ROBO2: variants seen among roughly 807,000 people sequenced by gnomAD.
ROBO2 encodes roundabout homolog 2.
In ROBO2, 53 loss-of-function variants were observed where a neutral mutation model predicts 160.8. The ratio of observed to expected loss-of-function variants is 0.33; its 90% CI spans 0.26 to 0.41. The LOEUF is 0.41. Among genes scored for constraint, ROBO2 ranks in the 10% least tolerant of loss-of-function variants. The pLI is 1.00. For synonymous variants in ROBO2, 664 were observed against 611.7 expected, an observed-to-expected ratio of 1.09 and a Z score of -1.26; for missense variants, 1,577 against 1,722.4, an observed-to-expected ratio of 0.92 and a Z score of 1.49.
chr3:75,994,079 G>T (rs2065656368), intron 2 of ROBO2, among the ~76,000 whole-genome samples: 1 of 152,066 alleles, frequency 6.6e-6, no homozygotes. Context: ...CAAAACCAAT[G>T]CAGGAACCTT....
At chr3:76,029,590 C>G (rs2066853796) in intron 2 of ROBO2, among the ~76,000 whole-genome samples, 1 of 152,086 alleles carries the variant, frequency 6.6e-6, no homozygotes, top group Non-Finnish European at 1.5e-5. Context: ...TTGTTCAATT[C>G]TCACCTGTGA....
intron 2 of ROBO2, among the ~76,000 whole-genome samples, chr3:76,220,260 T>G (rs1250864471): frequency 6.6e-6 from 1 of 151,492 alleles, no homozygotes; most frequent in Non-Finnish European, 1.5e-5. Context: ...CACACCAGCA[T>G]GGCACATGTA....
At chr3:77,127,200 T>A (rs1416348431) in intron 2 of ROBO2, among the ~76,000 whole-genome samples, 1 of 152,196 alleles carries the variant, frequency 6.6e-6, no homozygotes, top group African/African-American at 2.4e-5. Context: ...TTCTAAAATT[T>A]CTTATGTTCA....
At chr3:77,479,833 C>T (rs1423497207) in intron 3 of ROBO2, among the ~76,000 whole-genome samples, 1 of 152,032 alleles carries the variant, frequency 6.6e-6, no homozygotes, top group African/African-American at 2.4e-5. Context: ...ATCTTCGTTC[C>T]CCTCCTTATG....
intron 2 of ROBO2, among the ~76,000 whole-genome samples, chr3:77,125,517 A>G (rs1195986385): frequency 2.0e-5 from 3 of 152,170 alleles, no homozygotes; most frequent in Non-Finnish European, 4.4e-5. Context: ...TAGGCACACA[A>G]TATTCTTTCT....
intron 2 of ROBO2, among the ~76,000 whole-genome samples, chr3:77,390,093 A>G (rs4684008): frequency 0.83 from 126,091 of 152,096 alleles, 52,419 homozygotes; most frequent in East Asian, 1. Flanking sequence ...CATTATGGGG[A>G]AGTGGGATCA....
At chr3:77,600,895 C>T (rs928072601) in intron 19 of ROBO2, among the ~76,000 whole-genome samples, 2 of 152,166 alleles carry the variant, frequency 1.3e-5, no homozygotes, top group South Asian at 2.1e-4. Context: ...CTTATACAAC[C>T]TGGTGAAATA....
chr3:76,434,813 G>C, intron 2 of ROBO2: 1 of 1,503,264 alleles, frequency 6.7e-7, no homozygotes, highest in Non-Finnish European at 9.3e-7. Context: ...CACATGCCCT[G>C]AATCATGTAT....
chr3:76,606,275 A>G (rs2087646264), intron 2 of ROBO2, among the ~76,000 whole-genome samples: 2 of 152,098 alleles, frequency 1.3e-5, no homozygotes, highest in African/African-American at 4.8e-5. Flanking sequence ...ATTGGTTTTC[A>G]AAAACTAGAA....
chr3:76,699,315 A>T (rs1441849668), intron 2 of ROBO2, among the ~76,000 whole-genome samples: 4 of 152,208 alleles, frequency 2.6e-5, no homozygotes, highest in African/African-American at 9.7e-5. Flanking sequence ...GCCATCTGAG[A>T]AAAGTGCTTT....
chr3:76,085,101 A>G (rs529162276), intron 2 of ROBO2, among the ~76,000 whole-genome samples: 1 of 87,750 alleles, frequency 1.1e-5, no homozygotes, highest in South Asian at 4.5e-4. Context: ...CCCCCAGTTT[A>G]CATATATATA....
At chr3:76,677,958 C>CTTTTTTTTTTTGTTTTTTTTTTT (rs2092454372) in intron 2 of ROBO2, among the ~76,000 whole-genome samples, 1 of 29,396 alleles carries the variant, frequency 3.4e-5, no homozygotes, top group Non-Finnish European at 6.6e-5. Flanking sequence ...AGAAAATATG[C>CTTTTTTTTTTTGTTTTTTTTTTT]TTTTTTTTTT....
At chr3:76,214,886 G>A (rs1575913941) in intron 2 of ROBO2, among the ~76,000 whole-genome samples, 1 of 152,182 alleles carries the variant, frequency 6.6e-6, no homozygotes, top group African/African-American at 2.4e-5. Flanking sequence ...CCTGACTCCC[G>A]AGTAGCCTAA....
intron 2 of ROBO2, among the ~76,000 whole-genome samples, chr3:76,721,116 A>T (rs1379660859): frequency 6.6e-6 from 1 of 152,216 alleles, no homozygotes; most frequent in Non-Finnish European, 1.5e-5. Flanking sequence ...TACCTGTAGT[A>T]CAAATTATCA....
chr3:76,090,505 C>G (rs1249928660), intron 2 of ROBO2, among the ~76,000 whole-genome samples: 1 of 152,152 alleles, frequency 6.6e-6, no homozygotes, highest in Admixed American at 6.5e-5. Flanking sequence ...TCAAGGTAGT[C>G]AAGATATCAG....
intron 17 of ROBO2, among the ~76,000 whole-genome samples, chr3:77,590,993 G>A (rs2094167358): frequency 6.6e-6 from 1 of 152,052 alleles, no homozygotes; most frequent in South Asian, 2.1e-4. Context: ...CCAGAGAGAA[G>A]CCTTTCAGAA....
intron 2 of ROBO2, among the ~76,000 whole-genome samples, chr3:76,295,291 A>T (rs1329925480): frequency 6.6e-6 from 1 of 152,054 alleles, no homozygotes; most frequent in Non-Finnish European, 1.5e-5. Context: ...TTGTTACTGG[A>T]GGGATGGGGT....
chr3:77,576,269 T>A (rs2093760811), intron 14 of ROBO2, among the ~76,000 whole-genome samples: 1 of 152,228 alleles, frequency 6.6e-6, no homozygotes, highest in South Asian at 2.1e-4. Flanking sequence ...TATATCTCAA[T>A]GCAAATATGG....
At chr3:77,560,793 C>A (rs904667244) in intron 9 of ROBO2, among the ~76,000 whole-genome samples, 6 of 152,136 alleles carry the variant, frequency 3.9e-5, no homozygotes, top group Admixed American at 1.3e-4. Flanking sequence ...TACCTACATA[C>A]TTTTCTTTTA....
Sources: allele counts gnomAD v4.1 joint callset (sites outside exome capture counted in the v4.1 genomes callset), GRCh38; gene constraint gnomAD v4.1.1; transcripts MANE v1.5; gene names NCBI Gene and HGNC (gene_info 2026-07-23, HGNC 2026-07-21).